Variants in SCN2A observed in about 807,000 individuals in gnomAD.
SCN2A encodes sodium channel protein type 2 subunit alpha.
In SCN2A, 20 loss-of-function variants were observed where a neutral mutation model predicts 188.7. The observed-to-expected ratio is 0.11, with a 90% confidence interval of 0.07 to 0.15. The LOEUF (loss-of-function observed/expected upper bound fraction) is 0.15, where lower values mean the gene tolerates loss of function less well. Among genes scored for constraint, SCN2A ranks in the 10% least tolerant of loss-of-function variants. The pLI, the probability that SCN2A is intolerant of heterozygous loss-of-function variation, is 1.00. For missense variants in SCN2A, 1,278 were observed against 2,445.0 expected (o/e 0.52, Z 10.07); for synonymous variants, 804 against 833.1 (o/e 0.97, Z 0.60).
At chr2:165,301,910 A>G (rs1696831063) in intron 3 of SCN2A, among the ~76,000 whole-genome samples, 1 of 152,158 alleles carries the variant, frequency 6.6e-6, no homozygotes, top group Admixed American at 6.5e-5. Flanking sequence ...CTAAGGCTAC[A>G]TTTTCTATCA....
intron 1 of SCN2A, among the ~76,000 whole-genome samples, chr2:165,274,762 G>T (rs1437951963): frequency 3.3e-5 from 5 of 152,130 alleles, no homozygotes; most frequent in Non-Finnish European, 5.9e-5. Context: ...TGCTAAATTT[G>T]GCTGCTGTAC....
At chr2:165,262,960 T>C (rs1694672324) in intron 1 of SCN2A, among the ~76,000 whole-genome samples, 2 of 152,192 alleles carry the variant, frequency 1.3e-5, no homozygotes, top group South Asian at 2.1e-4. Flanking sequence ...TGATATCTCA[T>C]TGTGGTTTTG....
intron 1 of SCN2A, among the ~76,000 whole-genome samples, chr2:165,275,524 C>T (rs932688814): frequency 1.3e-5 from 2 of 152,156 alleles, no homozygotes; most frequent in African/African-American, 4.8e-5. Flanking sequence ...TACTGTATCC[C>T]AAGCATCTGG....
chr2:165,338,385 G>T (rs897074683), intron 14 of SCN2A, among the ~76,000 whole-genome samples: 2 of 150,372 alleles, frequency 1.3e-5, no homozygotes, highest in African/African-American at 4.9e-5. Context: ...TTAGCCTCCC[G>T]AGTAGCTGGG....
At chr2:165,247,118 A>G (rs924272603) in intron 1 of SCN2A, among the ~76,000 whole-genome samples, 63 of 152,120 alleles carry the variant, frequency 4.1e-4, no homozygotes, top group Non-Finnish European at 2.4e-4. Context: ...TCATTCCTGC[A>G]TCTGTGCACT....
chr2:165,262,115 A>T (rs554854037), intron 1 of SCN2A, among the ~76,000 whole-genome samples: 1 of 152,166 alleles, frequency 6.6e-6, no homozygotes, highest in African/African-American at 2.4e-5. Context: ...AATAGGTGGG[A>T]CTTTTTTTCA....
At chr2:165,321,491 A>G (rs189420229) in intron 11 of SCN2A, among the ~76,000 whole-genome samples, 2 of 152,332 alleles carry the variant, frequency 1.3e-5, no homozygotes, top group African/African-American at 4.8e-5. Context: ...CTGCTGATAA[A>G]GACATACCTG....
At chr2:165,378,754 A>G (rs1473289338) in intron 23 of SCN2A, among the ~76,000 whole-genome samples, 1 of 150,486 alleles carries the variant, frequency 6.6e-6, no homozygotes, top group Non-Finnish European at 1.5e-5. Flanking sequence ...ATAACTTAGC[A>G]GACCTTTTCC....
intron 1 of SCN2A, among the ~76,000 whole-genome samples, chr2:165,292,352 T>C (rs12616739): frequency 0.23 from 35,671 of 152,012 alleles, 4,478 homozygotes; most frequent in East Asian, 0.36. Context: ...TTAGATTCAG[T>C]GGGTACCTGT....
chr2:165,331,291 A>G (rs1486842893), intron 13 of SCN2A, 39 bp from the exon 14 acceptor site: 1 of 1,427,202 alleles, frequency 7.0e-7, no homozygotes, highest in Non-Finnish European at 9.9e-7. Flanking sequence ...AATAGAAAGT[A>G]AGCAGTTTTC....
intron 22 of SCN2A, 48 bp from the exon 23 acceptor site, chr2:165,377,549 A>G (rs761803482): frequency 6.8e-7 from 1 of 1,474,312 alleles, no homozygotes; most frequent in South Asian, 1.2e-5. Context: ...TTTATTTTCT[A>G]AAATTATAAT....
intron 13 of SCN2A, among the ~76,000 whole-genome samples, chr2:165,329,929 C>G (rs1449031308): frequency 6.6e-6 from 1 of 151,790 alleles, no homozygotes; most frequent in Non-Finnish European, 1.5e-5. Context: ...ATTTCAATAT[C>G]CAAAGAGACA....
chr2:165,315,435 T>C, intron 10 of SCN2A, 36 bp from the exon 11 acceptor site: 2 of 1,612,638 alleles, frequency 1.2e-6, no homozygotes, highest in Non-Finnish European at 1.7e-6. Context: ...CTTTTTAAGT[T>C]TATATGCAAC....
intron 22 of SCN2A, among the ~76,000 whole-genome samples, chr2:165,375,204 C>T (rs1701246341): frequency 6.6e-6 from 1 of 151,818 alleles, no homozygotes; most frequent in South Asian, 2.1e-4. Context: ...AAAATAGAAC[C>T]ACTATGTGAT....
rs73969313 is a variant in SCN2A at position 165,240,694 on chromosome 2, T to A, written c.-52+1054T>A. ...GTGTGTGTGTGTGTGTGTGTGTGTG[T>A]GATGGTGGAGGTGGCAGGCGGTGGA... On this transcript the variant is annotated intron_variant, in intron 1 of 26. Transcript: ENST00000375437. Among the ~76,000 whole-genome samples the A allele has an allele frequency of 7.5e-4, 113 of 150,618 alleles. 1 individual carries two copies. Among genetic ancestry groups the A allele is most frequent in the Middle Eastern group, 3.4e-3 (1 of 294 alleles).
intron 1 of SCN2A, among the ~76,000 whole-genome samples, chr2:165,277,708 T>C (rs1237987778): frequency 2.6e-5 from 4 of 152,222 alleles, no homozygotes; most frequent in African/African-American, 9.6e-5. Flanking sequence ...GCCTGGTCTG[T>C]TTTAATTTAC....
chr2:165,252,650 T>C (rs1406406508), intron 1 of SCN2A, among the ~76,000 whole-genome samples: 2 of 152,018 alleles, frequency 1.3e-5, no homozygotes, highest in Non-Finnish European at 2.9e-5. Flanking sequence ...TTATTCACAG[T>C]AAGGAGAGAT....
In SCN2A at chr2:165,390,880, T is replaced by C. The variant is rs184628337; in HGVS notation, c.*1056T>C. 275 of 152,706 alleles carry C rather than the reference T, an allele frequency of 1.8e-3. 4 individuals carry two copies. The highest frequency in any genetic ancestry group is 2.5e-4 in the Non-Finnish European group (17 of 68,018). 9.5% of individuals were successfully genotyped at this position (152,706 alleles called of 1,614,324 possible). ...AGCCATCTTCTGCTCTTGGTAAGGT[T>C]GACATAGTATATGTCAATTTAAAAA... is the stretch of plus-strand genomic sequence containing the variant. On this transcript the variant is annotated 3_prime_UTR_variant, in exon 27 of 27. Transcript: ENST00000375437.
At chr2:165,354,760 C>G in intron 17 of SCN2A, 89 bp downstream of exon 17, 1 of 1,332,090 alleles carries the variant, frequency 7.5e-7, no homozygotes, top group Non-Finnish European at 1.0e-6. Flanking sequence ...GTGTTTCCTT[C>G]CTGTTAAGAA....
Sources: gnomAD v4.1 joint callset for allele counts (sites outside exome capture counted in the v4.1 genomes callset) on GRCh38, gnomAD v4.1.1 for gene constraint, MANE v1.5 for transcripts, NCBI Gene and HGNC (gene_info 2026-07-23, HGNC 2026-07-21) for gene names.